PPP1R21: variants seen among roughly 807,000 people sequenced by gnomAD.
PPP1R21 encodes the protein protein phosphatase 1 regulatory subunit 21.
PPP1R21 carries 85 observed loss-of-function variants against 112.8 expected under a neutral mutation model. The observed-to-expected ratio is 0.75, with a 90% CI of 0.63 to 0.90. The LOEUF (loss-of-function observed/expected upper bound fraction) is 0.90. PPP1R21 is among the 40% of genes least tolerant of loss of function. The pLI is 0.00. For synonymous variants in PPP1R21, 381 were observed against 322.3 expected, an observed-to-expected ratio of 1.18 and a Z score of -1.95; for missense variants, 1,199 against 901.5, an observed-to-expected ratio of 1.33 and a Z score of -4.23.
chr2:48,464,943 G>C lies in PPP1R21; in HGVS notation c.701G>C (p.Ser234Thr). 6.4e-7 allele frequency: 1 copy of C among 1,565,230 alleles called. No homozygotes were observed. The stretch of plus-strand genomic sequence containing the variant: ...CATTATTTTTCTTCTGTAGAATATA[G>C]TCAGTACAACGCTCTGAACGTTCCA... ...EKVPFNDTKY[S>T]QYNALNVPLH... Residue 234 changes from serine (S) to threonine (T), a missense_variant, in exon 8 of 22, where the codon AGT becomes ACT. Transcript: ENST00000294952.
intron 12 of PPP1R21, among the ~76,000 whole-genome samples, chr2:48,475,746 C>G (rs1345769241): frequency 3.9e-5 from 6 of 152,014 alleles, no homozygotes; most frequent in Non-Finnish European, 7.4e-5. Flanking sequence ...ACTCGGGAGG[C>G]TGAGGCAGGA....
intron 1 of PPP1R21, among the ~76,000 whole-genome samples, chr2:48,450,366 A>C (rs572817681): frequency 2.0e-5 from 3 of 152,230 alleles, no homozygotes; most frequent in Non-Finnish European, 4.4e-5. Flanking sequence ...GAAGTAATAC[A>C]TAAAAGTACT....
At chr2:48,468,829 A>ATGTGTG (rs113373775) in intron 9 of PPP1R21, among the ~76,000 whole-genome samples, 22,991 of 146,210 alleles carry the variant, frequency 0.16, 2,098 homozygotes, top group East Asian at 0.42. Flanking sequence ...AAAAAAATGT[A>ATGTGTG]TGTGTGTGTG....
chr2:48,502,732 G>A (rs973863532), intron 17 of PPP1R21, among the ~76,000 whole-genome samples: 1 of 144,538 alleles, frequency 6.9e-6, no homozygotes, highest in Non-Finnish European at 1.5e-5. Flanking sequence ...CCAGGCTGGA[G>A]TGCAGTGGTG....
At chr2:48,485,875 ACAATTGTATATACTAACTAATATAT>A (rs1669262854) in intron 13 of PPP1R21, among the ~76,000 whole-genome samples, 1 of 1,754 alleles carries the variant, frequency 5.7e-4, no homozygotes, top group African/African-American at 3.3e-3. Flanking sequence ...ACTAATATAT[ACAATTGTATATACTAACTAATATAT>A]ACAATTGTAT....
intron 7 of PPP1R21, among the ~76,000 whole-genome samples, chr2:48,463,934 A>G (rs1485956393): frequency 1.3e-5 from 2 of 152,112 alleles, no homozygotes; most frequent in Non-Finnish European, 2.9e-5. Flanking sequence ...GAGGAATGGT[A>G]TTAGGAGCTT....
chr2:48,501,251 G>T (rs1337208535), intron 17 of PPP1R21, among the ~76,000 whole-genome samples: 1 of 152,148 alleles, frequency 6.6e-6, no homozygotes, highest in Non-Finnish European at 1.5e-5. Flanking sequence ...TTTTCCTTCA[G>T]TGTCTGTCTC....
intron 3 of PPP1R21, among the ~76,000 whole-genome samples, chr2:48,456,847 T>TG (rs1257215275): frequency 3.3e-5 from 5 of 152,202 alleles, no homozygotes; most frequent in African/African-American, 1.2e-4. Flanking sequence ...GGTCAGGAGT[T>TG]GGAGACCAGC....
chr2:48,454,473 A>C, intron 2 of PPP1R21, 122 bp from the exon 3 acceptor site: 2 of 1,214,462 alleles, frequency 1.6e-6, no homozygotes, highest in Non-Finnish European at 2.3e-6. Flanking sequence ...TACACATACA[A>C]CCTGAATTTC....
chr2:48,495,390 G>A (rs1027988020), intron 15 of PPP1R21, among the ~76,000 whole-genome samples: 1 of 152,048 alleles, frequency 6.6e-6, no homozygotes. Context: ...TTTTAGTAGA[G>A]ATGGGGTTTC....
In PPP1R21 at chr2:48,491,549, GA is replaced by G. The variant is rs200525988; in HGVS notation, c.1599+389del. 3.3e-3 allele frequency among the ~76,000 whole-genome samples: 203 copies of G among 60,978 alleles called. 2 individuals are homozygous for G. Among genetic ancestry groups the G allele is most frequent in the African/African-American group, 0.017 (194 of 11,182 alleles). The allele number at this position is 60,978 out of a possible 152,430, so 40.0% of individuals were successfully genotyped here. ...AATATGCAGTTGTTGCAAAAAAAAA[GA>G]AAAAAAAAAGAGAGAAGATACTGCA... On this transcript the variant is annotated intron_variant, in intron 15 of 21. Transcript: ENST00000294952.
chr2:48,487,521 G>A (rs1301082154), intron 14 of PPP1R21, among the ~76,000 whole-genome samples: 2 of 152,016 alleles, frequency 1.3e-5, no homozygotes, highest in African/African-American at 4.8e-5. Flanking sequence ...CCAGCACTTC[G>A]AGAGGCTGAG....
rs1052377640 is a variant in PPP1R21, at chr2:48,511,349, A to G, written c.2194A>G (p.Thr732Ala). ...TTTCTTTGCTATTTAGGATGAGCTGACAACTACCAAGAGGAGTTACGAGGA... is the reference window on the plus strand; with the variant it reads ...TTTCTTTGCTATTTAGGATGAGCTGGCAACTACCAAGAGGAGTTACGAGGA... The part of the protein sequence containing the change: ...QNISRLQDEL[T>A]TTKRSYEDQL... The change falls in exon 21 of 22, where the codon ACA (threonine) becomes GCA (alanine). Residue 732 changes from threonine to alanine, a missense_variant. Thr to Ala is a moderately conservative substitution (Grantham distance 58, BLOSUM62 0). Transcript: ENST00000294952. 2 of 1,613,036 alleles carry G rather than the reference A, an allele frequency of 1.2e-6. No individual in the cohort carries two copies. Among genetic ancestry groups the G allele is most frequent in the African/African-American group, 1.3e-5 (1 of 74,892 alleles).
At chr2:48,498,470 A>T (rs1669950506) in intron 16 of PPP1R21, 23 bp from the exon 17 acceptor site, 1 of 1,613,054 alleles carries the variant, frequency 6.2e-7, no homozygotes, top group Non-Finnish European at 8.5e-7. Flanking sequence ...TCTCTAAGAT[A>T]CAACACTCTG....
intron 1 of PPP1R21, among the ~76,000 whole-genome samples, chr2:48,444,390 A>T (rs62137050): frequency 2.0e-5 from 3 of 152,202 alleles, no homozygotes; most frequent in African/African-American, 7.2e-5. Flanking sequence ...CAGTTGCTAC[A>T]TTATAGATTA....
intron 9 of PPP1R21, among the ~76,000 whole-genome samples, chr2:48,468,521 A>T (rs1488706663): frequency 6.6e-6 from 1 of 152,216 alleles, no homozygotes; most frequent in Admixed American, 6.5e-5. Flanking sequence ...AATATTAAAA[A>T]ATATTTTCTG....
chr2:48,457,230 A>G lies in PPP1R21; in HGVS notation c.274-896A>G, dbSNP rs574749123. Among the ~76,000 whole-genome samples, 17 of 152,332 alleles carry G rather than the reference A, an allele frequency of 1.1e-4. No homozygotes were observed. The South Asian group carries it at 3.5e-3, about 32-fold the overall frequency. ...AAAGCTCATCAAATTTGGAAGCACT[A>G]AGGACCCTGAATACATCGTTCTGCA... On this transcript the variant is annotated intron_variant, in intron 3 of 21. Transcript: ENST00000294952.
rs1558498280 is a variant in PPP1R21, at chr2:48,491,222, C to CT, written c.1599+53dup. ...ATCAGAGGAAACATCAGGAGTCATTCTAGAGAATGGCAAGAGTTTTTCTGC... is the reference window on the plus strand; with the variant it reads ...ATCAGAGGAAACATCAGGAGTCATTCTTAGAGAATGGCAAGAGTTTTTCTGC... On this transcript the variant is annotated intron_variant, in intron 15 of 21. Transcript: ENST00000294952. The CT allele has an allele frequency of 5.1e-6, 8 of 1,568,256 alleles. No homozygotes were observed. In the Admixed American group the frequency reaches 1.5e-4, roughly 30 times the overall value.
At chr2:48,462,599 G>C (rs1229958669) in intron 7 of PPP1R21, among the ~76,000 whole-genome samples, 2 of 152,174 alleles carry the variant, frequency 1.3e-5, no homozygotes, top group Non-Finnish European at 2.9e-5. Context: ...CAGTAATCCA[G>C]TATGACAGGA....
Sources: gnomAD v4.1 joint callset for allele counts (sites outside exome capture counted in the v4.1 genomes callset) on GRCh38, gnomAD v4.1.1 for gene constraint, MANE v1.5 for transcripts, NCBI Gene and HGNC (gene_info 2026-07-23, HGNC 2026-07-21) for gene names.